ISM1: variants seen among roughly 807,000 people sequenced by gnomAD.
The protein encoded by ISM1 is isthmin 1, also known as isthmin-1.
ISM1 carries 25 observed loss-of-function variants against 46.3 expected under a neutral mutation model. That is an observed-to-expected ratio of 0.54 (90% confidence interval 0.39 to 0.75). The LOEUF (loss-of-function observed/expected upper bound fraction) is 0.75. Among genes scored for constraint, ISM1 ranks in the 30% least tolerant of loss-of-function variants. ISM1 has a pLI of 0.00. For synonymous variants in ISM1, 255 were observed against 256.7 expected, an observed-to-expected ratio of 0.99 and a Z score of 0.06; for missense variants, 536 against 625.4, an observed-to-expected ratio of 0.86 and a Z score of 1.52.
chr20:13,248,001 T>C (rs1190930280), intron 1 of ISM1, among the ~76,000 whole-genome samples: 1 of 152,112 alleles, frequency 6.6e-6, no homozygotes, highest in Non-Finnish European at 1.5e-5. Context: ...TTGTTCATCG[T>C]GTGTCAGTGT....
At position 13,221,351 on chromosome 20, in the gene ISM1, T is replaced by G. The variant is rs1335659532; in HGVS notation, c.-426T>G. ...GCCGCGGCCACATCTGGGGCGCCCA[T>G]GTGCGCTCGGGGGCTCGGCTGCGCC... On this transcript the variant is annotated 5_prime_UTR_variant, in exon 1 of 6. The change abolishes an upstream ATG in the 5' untranslated region. Transcript: ENST00000262487. Among the ~76,000 whole-genome samples, 12 of 142,820 alleles carry G rather than the reference T, an allele frequency of 8.4e-5. No homozygotes were observed. Among genetic ancestry groups the G allele is most frequent in the Non-Finnish European group, 1.2e-4 (8 of 64,492 alleles). 93.7% of individuals were successfully genotyped at this position (142,820 alleles called of 152,430 possible).
intron 2 of ISM1, among the ~76,000 whole-genome samples, chr20:13,279,343 A>G (rs1382222571): frequency 6.6e-6 from 1 of 152,200 alleles, no homozygotes; most frequent in Non-Finnish European, 1.5e-5. Flanking sequence ...CCTAACCCAC[A>G]GCAATCCAAC....
intron 4 of ISM1, 69 bp downstream of exon 4, chr20:13,288,752 G>C (rs901599885): frequency 6.9e-7 from 1 of 1,453,198 alleles, no homozygotes; most frequent in Non-Finnish European, 9.4e-7. Flanking sequence ...TAAAAACTTA[G>C]TGACATTGTC....
the ISM1 span, among the ~76,000 whole-genome samples, chr20:13,317,169 A>C: frequency 6.6e-6 from 1 of 151,948 alleles, no homozygotes; most frequent in African/African-American, 2.4e-5. Flanking sequence ...AATTCAAAAC[A>C]CAATACCATT....
At chr20:13,315,388 G>A in the ISM1 span, among the ~76,000 whole-genome samples, 1 of 151,982 alleles carries the variant, frequency 6.6e-6, no homozygotes, top group African/African-American at 2.4e-5. Flanking sequence ...AGTAGCAGTA[G>A]CTATCTCAAA....
chr20:13,301,090 T>C (rs567809488), downstream of ISM1, among the ~76,000 whole-genome samples: 2 of 152,224 alleles, frequency 1.3e-5, no homozygotes, highest in Non-Finnish European at 2.9e-5. Flanking sequence ...CTGTAGCACA[T>C]TTTTGAAGTC....
At chr20:13,255,147 A>C (rs927030961) in intron 1 of ISM1, among the ~76,000 whole-genome samples, 1 of 152,222 alleles carries the variant, frequency 6.6e-6, no homozygotes, top group African/African-American at 2.4e-5. Flanking sequence ...GGGAAAGAAC[A>C]CTGGTTATAT....
At chr20:13,239,694 A>C (rs571816096) in intron 1 of ISM1, 1 of 152,224 alleles carries the variant, frequency 6.6e-6, no homozygotes, top group Non-Finnish European at 1.5e-5. Flanking sequence ...CTCTGTTTAG[A>C]AGGCAGGTTG....
In ISM1 at chr20:13,221,762, G is replaced by C; in HGVS notation, c.-15G>C. On this transcript the variant is annotated 5_prime_UTR_variant, in exon 1 of 6. Coordinates refer to ENST00000262487, the MANE Select transcript of ISM1 (RefSeq NM_080826.2). The stretch of plus-strand genomic sequence containing the variant: ...GGCCGCCGCGCCGGGTCCTAAAGCC[G>C]CGCGTCTCAAAAGGATGGTGCGCCT... 7.0e-7 allele frequency: 1 copy of C among 1,429,050 alleles called. No individual in the cohort carries two copies. Among genetic ancestry groups the C allele is most frequent in the Non-Finnish European group, 9.1e-7 (1 of 1,095,624 alleles). 88.5% of individuals were successfully genotyped at this position (1,429,050 alleles called of 1,614,324 possible). A position where few individuals can be genotyped will look rare whatever the true frequency, so the allele number is the denominator to read the frequency against.
At chr20:13,282,243 G>A (rs573475082) in intron 3 of ISM1, among the ~76,000 whole-genome samples, 8 of 152,168 alleles carry the variant, frequency 5.3e-5, no homozygotes, top group South Asian at 2.1e-4. Context: ...TTAAAGCTCC[G>A]AGGATGACTT....
chr20:13,237,460 C>T (rs1253287486), intron 1 of ISM1, among the ~76,000 whole-genome samples: 1 of 152,166 alleles, frequency 6.6e-6, no homozygotes, highest in Non-Finnish European at 1.5e-5. Flanking sequence ...GGAAACCAGG[C>T]ACAGTAAAGT....
chr20:13,229,562 C>CAAACAAA (rs2039565861), intron 1 of ISM1, among the ~76,000 whole-genome samples: 1 of 152,142 alleles, frequency 6.6e-6, no homozygotes, highest in African/African-American at 2.4e-5. Context: ...TTTGTATATC[C>CAAACAAA]CCATCAATGG....
At chr20:13,277,988 G>T (rs986965669) in intron 2 of ISM1, among the ~76,000 whole-genome samples, 1 of 152,172 alleles carries the variant, frequency 6.6e-6, no homozygotes. Flanking sequence ...GCACGCCCTG[G>T]TGCAATTTGG....
chr20:13,324,789 T>C, the ISM1 span, among the ~76,000 whole-genome samples: 2 of 152,178 alleles, frequency 1.3e-5, no homozygotes, highest in Non-Finnish European at 2.9e-5. Flanking sequence ...AAACAAATTA[T>C]TAGATATTAC....
intron 1 of ISM1, among the ~76,000 whole-genome samples, chr20:13,238,400 C>T (rs909479265): frequency 6.6e-6 from 1 of 152,142 alleles, no homozygotes. Flanking sequence ...ATTCATAGCC[C>T]ATTACTCATT....
At chr20:13,308,869 C>T in the ISM1 span, among the ~76,000 whole-genome samples, 3 of 152,094 alleles carry the variant, frequency 2.0e-5, no homozygotes, top group Non-Finnish European at 2.9e-5. Flanking sequence ...AAAGGGACCC[C>T]GAGAGAGCTC....
At chr20:13,305,583 T>C (rs1265113606), downstream of ISM1, among the ~76,000 whole-genome samples, 1 of 152,194 alleles carries the variant, frequency 6.6e-6, no homozygotes, top group Non-Finnish European at 1.5e-5. Context: ...AAGGCTTGCC[T>C]CAGTAATTAC....
intron 1 of ISM1, among the ~76,000 whole-genome samples, chr20:13,233,595 C>CA (rs1183584907): frequency 0.16 from 9,895 of 63,208 alleles, 446 homozygotes; most frequent in Non-Finnish European, 0.18. Context: ...AACTCCATCT[C>CA]AAAAAAAAAA....
intron 3 of ISM1, among the ~76,000 whole-genome samples, chr20:13,284,044 A>C (rs534940523): frequency 1.9e-4 from 29 of 152,372 alleles, no homozygotes; most frequent in Admixed American, 6.5e-4. Flanking sequence ...ACCTTAGGCA[A>C]GTACCTTAAC....
Sources: allele counts gnomAD v4.1 joint callset (sites outside exome capture counted in the v4.1 genomes callset), GRCh38; gene constraint gnomAD v4.1.1; transcripts MANE v1.5; gene names NCBI Gene and HGNC (gene_info 2026-07-23, HGNC 2026-07-21).